Variants in RBFOX1 observed in about 807,000 individuals in gnomAD.
RBFOX1 encodes RNA binding protein fox-1 homolog 1.
Under a neutral mutation model 57.7 loss-of-function variants are expected in RBFOX1, and 8 were observed. That is an observed-to-expected ratio of 0.14 (90% CI 0.08 to 0.25). The LOEUF (loss-of-function observed/expected upper bound fraction) is 0.25, where lower values mean the gene tolerates loss of function less well. Among genes scored for constraint, RBFOX1 ranks in the 10% least tolerant of loss-of-function variants. The pLI is 1.00. For missense variants in RBFOX1, 611 were observed against 548.5 expected, an observed-to-expected ratio of 1.11 and a Z score of -1.14; for synonymous variants, 326 against 222.4, an observed-to-expected ratio of 1.47 and a Z score of -4.15.
intron 4 of RBFOX1, among the ~76,000 whole-genome samples, chr16:5,910,872 A>C (rs1434762811): frequency 6.6e-6 from 1 of 152,142 alleles, no homozygotes; most frequent in Non-Finnish European, 1.5e-5. Context: ...TGACAGATGG[A>C]AGCTGGTGTA....
chr16:6,793,334 T>C (rs74007048), intron 3 of RBFOX1, among the ~76,000 whole-genome samples: 2,661 of 152,040 alleles, frequency 0.018, 92 homozygotes, highest in African/African-American at 0.061. Context: ...AGAAGTTGAG[T>C]TTTTTTTCCA....
At chr16:6,396,334 T>A (rs1243726543) in intron 2 of RBFOX1, among the ~76,000 whole-genome samples, 2 of 152,126 alleles carry the variant, frequency 1.3e-5, no homozygotes, top group South Asian at 2.1e-4. Context: ...ATCCATGTGG[T>A]GCAAGGAAGA....
At position 6,587,312 on chromosome 16, in the gene RBFOX1, C is replaced by T. The variant is rs1426612016; in HGVS notation, c.-63-67291C>T. Among the ~76,000 whole-genome samples, 3 of 151,858 alleles carry T rather than the reference C, an allele frequency of 2.0e-5. No homozygotes were observed. The East Asian group carries it at 5.8e-4, about 29-fold the overall frequency. Reference sequence around the variant, plus strand: ...GGCCTTTTTTTTTGAGACAAAGTCTCACTCTGTCACCCAGGCTATAGTGCC... The same window carrying T: ...GGCCTTTTTTTTTGAGACAAAGTCTTACTCTGTCACCCAGGCTATAGTGCC... On this transcript the variant is annotated intron_variant, in intron 2 of 15. Transcript: ENST00000550418.
chr16:5,901,804 G>T (rs1339126626), intron 4 of RBFOX1, among the ~76,000 whole-genome samples: 3 of 152,112 alleles, frequency 2.0e-5, no homozygotes, highest in Non-Finnish European at 2.9e-5. Context: ...TTTCTTCATA[G>T]CCTCAGGATT....
chr16:7,122,087 G>T (rs1238372269), intron 4 of RBFOX1, among the ~76,000 whole-genome samples: 1 of 151,946 alleles, frequency 6.6e-6, no homozygotes, highest in Admixed American at 6.6e-5. Flanking sequence ...CACGTCCAAA[G>T]GAGTTAAAAT....
At chr16:6,168,540 C>G (rs938730600) in intron 1 of RBFOX1, among the ~76,000 whole-genome samples, 2 of 152,002 alleles carry the variant, frequency 1.3e-5, no homozygotes, top group Non-Finnish European at 2.9e-5. Context: ...TGATCATTAC[C>G]GATTATGTAT....
chr16:6,659,142 A>G (rs566288389), intron 3 of RBFOX1, among the ~76,000 whole-genome samples: 19 of 151,948 alleles, frequency 1.3e-4, no homozygotes, highest in Non-Finnish European at 2.1e-4. Flanking sequence ...AATCCACCTG[A>G]ATTTCAATAC....
chr16:7,054,213 C>CGGCGGGGGGGGGGG (rs1345662627), intron 4 of RBFOX1, among the ~76,000 whole-genome samples: 3 of 17,830 alleles, frequency 1.7e-4, no homozygotes, highest in African/African-American at 1.4e-3. Flanking sequence ...TTTTTTTTTT[C>CGGCGGGGGGGGGGG]GGGGGGGGGG....
intron 4 of RBFOX1, among the ~76,000 whole-genome samples, chr16:5,887,798 C>A (rs2057937845): frequency 6.6e-6 from 1 of 152,106 alleles, no homozygotes; most frequent in Non-Finnish European, 1.5e-5. Context: ...AATGGTTGTG[C>A]CAGAATTCTG....
At chr16:6,755,512 C>T (rs141050103) in intron 3 of RBFOX1, among the ~76,000 whole-genome samples, 7 of 152,216 alleles carry the variant, frequency 4.6e-5, no homozygotes, top group East Asian at 1.9e-4. Flanking sequence ...TGTTTTAATG[C>T]CAAGATAACC....
rs143137725 is a variant in RBFOX1 at position 6,818,882 on chromosome 16, A to G, written c.-16+164232A>G. Among the ~76,000 whole-genome samples, 903 of 152,332 alleles carry G rather than the reference A, an allele frequency of 5.9e-3. 10 individuals are homozygous for G. The highest frequency in any genetic ancestry group is 0.02 in the African/African-American group (828 of 41,578). ...ATTAAATCTCAGGAATTTACATGGA[A>G]TTCTTTGGAAAGAGACTCGATTTCC... On this transcript the variant is annotated intron_variant, in intron 3 of 15. Transcript: ENST00000550418.
chr16:6,806,372 C>T (rs573449902), intron 3 of RBFOX1, among the ~76,000 whole-genome samples: 3 of 152,216 alleles, frequency 2.0e-5, no homozygotes, highest in African/African-American at 7.2e-5. Context: ...GAATGAGAAA[C>T]TGGTCTGTAA....
Position 6,644,940 on chromosome 16 carries a change from G to A in RBFOX1, c.-63-9663G>A, listed in dbSNP as rs750915231. Among the ~76,000 whole-genome samples, 81 of 152,104 alleles carry A rather than the reference G, an allele frequency of 5.3e-4. 2 individuals carry two copies. Among genetic ancestry groups the A allele is most frequent in the Admixed American group, 2.0e-4 (3 of 15,260 alleles). ...TCTGTATTTATTTTCTATGACTTCC[G>A]TAGCAAATCATCACAATCTAGGTGC... On this transcript the variant is annotated intron_variant, in intron 2 of 15. Transcript: ENST00000550418.
At position 5,261,619 on chromosome 16, in the gene RBFOX1, A is replaced by G. The variant is rs188631114; in HGVS notation, c.219+21514A>G. On this transcript the variant is annotated intron_variant, in intron 1 of 2. Transcript: ENST00000585867. The stretch of plus-strand genomic sequence containing the variant: ...GCCTTGAGTGCAGTGGTGTGATCCC[A>G]GCTCACTGCAAGCTCCGCCTCCCGG... 8.3e-3 allele frequency among the ~76,000 whole-genome samples: 1,118 copies of G among 134,308 alleles called. 5 individuals carry two copies. The Middle Eastern group carries it at 0.11, about 13-fold the overall frequency. 88.1% of individuals were successfully genotyped at this position (134,308 alleles called of 152,430 possible). A position where few individuals can be genotyped will look rare whatever the true frequency, so the allele number is the denominator to read the frequency against.
At chr16:7,027,631 C>A (rs1471114654) in intron 3 of RBFOX1, among the ~76,000 whole-genome samples, 1 of 152,162 alleles carries the variant, frequency 6.6e-6, no homozygotes, top group African/African-American at 2.4e-5. Context: ...TTTAATCCCC[C>A]AAGCCCAACT....
chr16:5,600,478 G>C (rs1848174), downstream of RBFOX1, among the ~76,000 whole-genome samples: 89,095 of 139,394 alleles, frequency 0.64, 30,389 homozygotes, highest in East Asian at 0.94. Context: ...CAGAGTAAGA[G>C]CCTGTCTCAA....
At chr16:7,540,509 G>T (rs1308975574) in intron 5 of RBFOX1, among the ~76,000 whole-genome samples, 2 of 152,194 alleles carry the variant, frequency 1.3e-5, no homozygotes, top group Non-Finnish European at 2.9e-5. Context: ...TAGTTATGAA[G>T]ACAACACATG....
intron 1 of RBFOX1, among the ~76,000 whole-genome samples, chr16:6,236,643 G>T (rs2097507016): frequency 1.3e-5 from 2 of 151,946 alleles, no homozygotes; most frequent in African/African-American, 4.8e-5. Context: ...TAGAGGTGGG[G>T]TTTCACCATG....
intron 3 of RBFOX1, among the ~76,000 whole-genome samples, chr16:6,800,946 A>G (rs1209201509): frequency 6.6e-6 from 1 of 152,140 alleles, no homozygotes; most frequent in Non-Finnish European, 1.5e-5. Flanking sequence ...CTGTTTGAGT[A>G]TCTCTCAAGG....
Sources: gnomAD v4.1 joint callset for allele counts (sites outside exome capture counted in the v4.1 genomes callset) on GRCh38, gnomAD v4.1.1 for gene constraint, MANE v1.5 for transcripts, NCBI Gene and HGNC (gene_info 2026-07-23, HGNC 2026-07-21) for gene names.